The following MYO1D variants were observed in gnomAD, a reference collection of about 807,000 sequenced individuals.
MYO1D encodes the protein unconventional myosin-Id.
MYO1D carries 83 observed loss-of-function variants against 122.0 expected under a neutral mutation model. That is an observed-to-expected ratio of 0.68 (90% CI 0.57 to 0.82). MYO1D has a LOEUF of 0.82. MYO1D is among the 40% of genes least tolerant of loss of function. MYO1D has a pLI of 0.00. For synonymous variants in MYO1D, 464 were observed against 446.9 expected (o/e 1.04, Z -0.48); for missense variants, 1,157 against 1,269.5 (o/e 0.91, Z 1.35).
At chr17:32,818,691 G>A (rs971021152) in intron 1 of MYO1D, among the ~76,000 whole-genome samples, 1 of 152,178 alleles carries the variant, frequency 6.6e-6, no homozygotes, top group African/African-American at 2.4e-5. Flanking sequence ...TTGCTATAGC[G>A]ATCTTGGGCA....
chr17:32,535,188 T>C (rs574110883), intron 21 of MYO1D, among the ~76,000 whole-genome samples: 5 of 152,332 alleles, frequency 3.3e-5, no homozygotes, highest in African/African-American at 1.2e-4. Flanking sequence ...AAAAGTTTAA[T>C]CTGTAAACCG....
chr17:32,876,919 C>G lies in MYO1D; in HGVS notation c.-47G>C. 7.8e-7 allele frequency: 1 copy of G among 1,277,004 alleles called. No individual in the cohort carries two copies. The highest frequency in any genetic ancestry group is 1.0e-6 in the Non-Finnish European group (1 of 961,830). The allele number at this position is 1,277,004 out of a possible 1,614,324, so 79.1% of individuals were successfully genotyped here. A position where few individuals can be genotyped will look rare whatever the true frequency, so the allele number is the denominator to read the frequency against. On this transcript the variant is annotated 5_prime_UTR_variant, in exon 1 of 22. Transcript: ENST00000318217. ...GTGGGCGCGCTCGGGCCTCCGGGGC[C>G]GCTCCGTGGGCCCGCGATGAGCTCG...
chr17:32,638,177 A>C (rs2088132549), intron 20 of MYO1D, among the ~76,000 whole-genome samples: 2 of 152,202 alleles, frequency 1.3e-5, no homozygotes, highest in African/African-American at 4.8e-5. Context: ...CGATTCAAGG[A>C]GATACCCACG....
At chr17:32,723,763 G>C (rs1333209413) in intron 14 of MYO1D, among the ~76,000 whole-genome samples, 2 of 152,090 alleles carry the variant, frequency 1.3e-5, no homozygotes, top group African/African-American at 4.8e-5. Flanking sequence ...TCTCGCCCCA[G>C]CTGACTGCAG....
intron 16 of MYO1D, among the ~76,000 whole-genome samples, chr17:32,708,463 T>C (rs1015821191): frequency 1.3e-5 from 2 of 152,178 alleles, no homozygotes; most frequent in African/African-American, 2.4e-5. Flanking sequence ...TAAAAGGAAA[T>C]AAAAATCAAT....
chr17:32,779,974 A>G (rs1267339234), intron 2 of MYO1D, among the ~76,000 whole-genome samples: 1 of 152,142 alleles, frequency 6.6e-6, no homozygotes, highest in African/African-American at 2.4e-5. Context: ...CAGTGAACAG[A>G]TATTTTTCCT....
chr17:32,549,124 G>A (rs569173380), intron 21 of MYO1D, among the ~76,000 whole-genome samples: 1 of 151,964 alleles, frequency 6.6e-6, no homozygotes, highest in South Asian at 2.1e-4. Flanking sequence ...ACAGGGTCTT[G>A]TTCTGTTGTC....
At chr17:32,860,470 G>C (rs189423255) in intron 1 of MYO1D, among the ~76,000 whole-genome samples, 1 of 152,216 alleles carries the variant, frequency 6.6e-6, no homozygotes, top group East Asian at 1.9e-4. Context: ...ACATAACATA[G>C]ACTACTAAGA....
chr17:32,502,252 TACA>T (rs1909340592), intron 21 of MYO1D, among the ~76,000 whole-genome samples: 1 of 152,238 alleles, frequency 6.6e-6, no homozygotes, highest in African/African-American at 2.4e-5. Flanking sequence ...TAGCACATGT[TACA>T]ACAAGATGAA....
intron 19 of MYO1D, among the ~76,000 whole-genome samples, chr17:32,642,212 G>C (rs1257381281): frequency 2.6e-5 from 4 of 152,122 alleles, no homozygotes; most frequent in Non-Finnish European, 5.9e-5. Context: ...TCTTGTTTTT[G>C]TCAGGTTTGT....
Position 32,635,654 on chromosome 17 carries a change from C to T in MYO1D, c.2709+3068G>A, listed in dbSNP as rs930835543. ...GTTGCAGTGAGCCGAGATGGCGCCA[C>T]TGCACTCCAGTCTGGGTGACAGAGC... On this transcript the variant is annotated intron_variant, in intron 20 of 21. Transcript: ENST00000318217. 1.2e-4 allele frequency among the ~76,000 whole-genome samples: 19 copies of T among 152,020 alleles called. 1 individual carries two copies. Among genetic ancestry groups the T allele is most frequent in the Non-Finnish European group, 4.4e-5 (3 of 67,998 alleles).
intron 19 of MYO1D, among the ~76,000 whole-genome samples, chr17:32,643,325 C>A (rs2088232481): frequency 6.6e-6 from 1 of 152,144 alleles, no homozygotes; most frequent in Non-Finnish European, 1.5e-5. Context: ...CTTGGTTTGC[C>A]AGTATTTTAT....
intron 16 of MYO1D, among the ~76,000 whole-genome samples, chr17:32,698,971 A>G (rs1250241238): frequency 6.6e-6 from 1 of 152,200 alleles, no homozygotes; most frequent in Admixed American, 6.5e-5. Flanking sequence ...ATTTTATTTT[A>G]ATTTTAATTT....
intron 16 of MYO1D, among the ~76,000 whole-genome samples, chr17:32,663,068 C>T (rs1370924958): frequency 6.6e-6 from 1 of 151,966 alleles, no homozygotes; most frequent in East Asian, 1.9e-4. Context: ...TAGGCACCTG[C>T]CACCACGCCT....
intron 21 of MYO1D, among the ~76,000 whole-genome samples, chr17:32,587,039 G>A (rs925953181): frequency 2.6e-5 from 4 of 152,084 alleles, no homozygotes; most frequent in African/African-American, 4.8e-5. Flanking sequence ...TTCTCTAAAC[G>A]GTGATGTCTT....
intron 16 of MYO1D, among the ~76,000 whole-genome samples, chr17:32,667,910 A>G (rs2088657851): frequency 6.6e-6 from 1 of 152,222 alleles, no homozygotes; most frequent in African/African-American, 2.4e-5. Flanking sequence ...AACTTCAAGA[A>G]GTAATTGAAC....
intron 21 of MYO1D, among the ~76,000 whole-genome samples, chr17:32,577,817 C>A (rs539144572): frequency 1.3e-5 from 2 of 151,870 alleles, no homozygotes; most frequent in African/African-American, 2.4e-5. Flanking sequence ...CGGCTCACTG[C>A]AAGCTCTGCC....
At chr17:32,671,680 T>C (rs780966293) in intron 16 of MYO1D, among the ~76,000 whole-genome samples, 2 of 152,292 alleles carry the variant, frequency 1.3e-5, no homozygotes, top group East Asian at 3.9e-4. Flanking sequence ...GGTGAGTATA[T>C]ATAAAAATTG....
intron 21 of MYO1D, among the ~76,000 whole-genome samples, chr17:32,601,782 A>C (rs572113760): frequency 3.3e-5 from 5 of 152,244 alleles, no homozygotes; most frequent in African/African-American, 1.2e-4. Context: ...AAAAACCACA[A>C]TATCTGTGAA....
Sources: allele counts gnomAD v4.1 joint callset (sites outside exome capture counted in the v4.1 genomes callset), GRCh38; gene constraint gnomAD v4.1.1; transcripts MANE v1.5; gene names NCBI Gene and HGNC (gene_info 2026-07-23, HGNC 2026-07-21).